The following ATAD2B variants were observed in gnomAD, a reference collection of about 807,000 sequenced individuals.
ATAD2B encodes the protein ATPase family AAA domain containing 2B.
Under a neutral mutation model 167.6 loss-of-function variants are expected in ATAD2B, and 40 were observed. The observed-to-expected ratio is 0.24, with a 90% CI of 0.19 to 0.31. The LOEUF (loss-of-function observed/expected upper bound fraction) is 0.31. ATAD2B is among the 10% of genes least tolerant of loss of function. The pLI, the probability that ATAD2B is intolerant of heterozygous loss-of-function variation, is 1.00. For missense variants in ATAD2B, 1,242 were observed against 1,757.2 expected (o/e 0.71, Z 5.24); for synonymous variants, 579 against 596.5 (o/e 0.97, Z 0.43).
chr2:23,898,803 G>C (rs1262445588), intron 1 of ATAD2B, among the ~76,000 whole-genome samples: 1 of 152,282 alleles, frequency 6.6e-6, no homozygotes, highest in South Asian at 2.1e-4. Context: ...AGGAGTGCCA[G>C]ACTAGCCTGG....
intron 15 of ATAD2B, among the ~76,000 whole-genome samples, chr2:23,827,102 C>A (rs901375365): frequency 1.3e-5 from 2 of 151,522 alleles, no homozygotes; most frequent in African/African-American, 4.9e-5. Context: ...TTAATGTGAA[C>A]CGGTTTCTCA....
Position 23,760,690 on chromosome 2 carries a change from T to TTATA in ATAD2B, c.3394+1515_3394+1518dup, listed in dbSNP as rs60333740. ...AGAAAAAAAAAAAAAATAAATAAAT[T>TTATA]TATATATATACACACACACACACAC... On this transcript the variant is annotated intron_variant, in intron 24 of 27. Coordinates refer to ENST00000238789, the MANE Select transcript of ATAD2B (RefSeq NM_017552.4). 9.1e-3 allele frequency among the ~76,000 whole-genome samples: 1,072 copies of TTATA among 117,822 alleles called. 10 individuals carry two copies. Among genetic ancestry groups the TTATA allele is most frequent in the Middle Eastern group, 0.017 (4 of 230 alleles). 77.3% of individuals were successfully genotyped at this position (117,822 alleles called of 152,430 possible). A position where few individuals can be genotyped will look rare whatever the true frequency, so the allele number is the denominator to read the frequency against.
intron 6 of ATAD2B, among the ~76,000 whole-genome samples, chr2:23,881,703 T>C (rs535949176): frequency 6.0e-4 from 91 of 151,696 alleles, no homozygotes; most frequent in African/African-American, 2.1e-3. Context: ...AAATAAATTA[T>C]AATGTACATA....
At chr2:23,767,733 G>T (rs193139172) in intron 22 of ATAD2B, among the ~76,000 whole-genome samples, 33 of 152,242 alleles carry the variant, frequency 2.2e-4, no homozygotes, top group African/African-American at 7.9e-4. Flanking sequence ...TAATGGTGGT[G>T]GTGGTGGTGA....
intron 8 of ATAD2B, among the ~76,000 whole-genome samples, chr2:23,875,005 A>C (rs1199781137): frequency 6.6e-6 from 1 of 151,242 alleles, no homozygotes; most frequent in Non-Finnish European, 1.5e-5. Context: ...GCAGCGACCC[A>C]AGATTGCCCC....
chr2:23,824,486 T>G (rs1558607403), intron 15 of ATAD2B, among the ~76,000 whole-genome samples: 1 of 152,340 alleles, frequency 6.6e-6, no homozygotes, highest in East Asian at 1.9e-4. Context: ...AACCAACTAT[T>G]AACATTCAGT....
chr2:23,855,374 C>A (rs1029602768), intron 13 of ATAD2B, among the ~76,000 whole-genome samples: 4 of 152,084 alleles, frequency 2.6e-5, no homozygotes, highest in Admixed American at 1.3e-4. Flanking sequence ...ATTTGTATTA[C>A]TATTAATGCA....
chr2:23,758,935 TCTAGGTATTAA>T (rs1676289599), intron 24 of ATAD2B, among the ~76,000 whole-genome samples: 1 of 152,196 alleles, frequency 6.6e-6, no homozygotes, highest in African/African-American at 2.4e-5. Context: ...AGCTAGGGCC[TCTAGGTATTAA>T]TGGACCCTGG....
chr2:23,686,058 G>C, the ATAD2B span, among the ~76,000 whole-genome samples: 1 of 152,330 alleles, frequency 6.6e-6, no homozygotes, highest in East Asian at 1.9e-4. Flanking sequence ...ACACGTGCTA[G>C]GAGGGAACCC....
Position 23,819,856 on chromosome 2 carries a change from T to C in ATAD2B, c.2158A>G (p.Ser720Gly). The C allele has an allele frequency of 1.3e-6, 2 of 1,585,400 alleles. No individual in the cohort carries two copies. Among genetic ancestry groups the C allele is most frequent in the Non-Finnish European group, 1.7e-6 (2 of 1,155,514 alleles). The stretch of plus-strand genomic sequence containing the variant: ...ATTGATAAAGCATTTTCATCTTCAC[T>C]ATCCTCTAAAATTAAAGTTTCTATA... ...EDIETLILED[S>G]EDENALSIFE... The change falls in exon 17 of 28, where the codon AGT becomes GGT. Residue 720 changes from serine (S) to glycine (G), a missense_variant. Ser to Gly is a moderately conservative substitution (Grantham distance 56, BLOSUM62 0). Around this residue, in one of 9 missense-constraint regions of ATAD2B, gnomAD observed 145 missense variants for 181.9 expected, o/e 0.80. Coordinates refer to ENST00000238789, the MANE Select transcript of ATAD2B (RefSeq NM_017552.4).
At chr2:23,690,885 C>T in the ATAD2B span, 4 of 152,374 alleles carry the variant, frequency 2.6e-5, no homozygotes, top group African/African-American at 4.8e-5. Context: ...CCTGCTCCCC[C>T]CAGTTCCCCA....
intron 18 of ATAD2B, among the ~76,000 whole-genome samples, chr2:23,799,016 G>T (rs562333229): frequency 6.6e-6 from 1 of 152,048 alleles, no homozygotes; most frequent in African/African-American, 2.4e-5. Flanking sequence ...TTTCAATCAC[G>T]CTCTGCCAAC....
chr2:23,785,646 A>G (rs1680706891), intron 21 of ATAD2B: 1 of 157,494 alleles, frequency 6.3e-6, no homozygotes, highest in African/African-American at 2.4e-5. Context: ...TGAGGTATAC[A>G]TAATTTGGGA....
At chr2:23,711,766 C>G in the ATAD2B span, among the ~76,000 whole-genome samples, 4 of 152,140 alleles carry the variant, frequency 2.6e-5, no homozygotes, top group Non-Finnish European at 5.9e-5. Flanking sequence ...GGTTCACTAT[C>G]AAGTAACAAA....
the ATAD2B span, among the ~76,000 whole-genome samples, chr2:23,737,576 A>C: frequency 2.6e-5 from 4 of 152,198 alleles, no homozygotes; most frequent in African/African-American, 9.7e-5. Flanking sequence ...CCAAAAGTAG[A>C]TAAAACCACA....
chr2:23,851,776 G>A (rs904868305), intron 13 of ATAD2B, among the ~76,000 whole-genome samples: 16 of 151,942 alleles, frequency 1.1e-4, no homozygotes, highest in Admixed American at 9.2e-4. Context: ...ATCCCCCTCA[G>A]TCTACTAATT....
At chr2:23,720,944 G>A in the ATAD2B span, among the ~76,000 whole-genome samples, 1 of 148,500 alleles carries the variant, frequency 6.7e-6, no homozygotes, top group Non-Finnish European at 1.5e-5. Flanking sequence ...CTGCAGGCCA[G>A]TAGCCACTGC....
chr2:23,710,363 G>A, the ATAD2B span, among the ~76,000 whole-genome samples: 1 of 152,172 alleles, frequency 6.6e-6, no homozygotes, highest in East Asian at 1.9e-4. Context: ...AAATAATTGT[G>A]AGGTAGTAAC....
chr2:23,798,110 G>A lies in ATAD2B; in HGVS notation c.2640+28C>T, dbSNP rs1039814384. On this transcript the variant is annotated intron_variant, in intron 19 of 27. Transcript: ENST00000238789. ...AACTATTTTAGAACAATATAATAAG[G>A]AAAGATAAATATTTAATCAGTTCTT... 3.0e-6 allele frequency: 4 copies of A among 1,328,478 alleles called. No homozygotes were observed. The South Asian group carries it at 6.8e-5, about 23-fold the overall frequency. 82.3% of individuals were successfully genotyped at this position (1,328,478 alleles called of 1,614,324 possible). A position where few individuals can be genotyped will look rare whatever the true frequency, so the allele number is the denominator to read the frequency against.
Sources: gnomAD v4.1 joint callset for allele counts (sites outside exome capture counted in the v4.1 genomes callset) on GRCh38, gnomAD v4.1.1 for gene constraint, gnomAD v4.1.1 regional missense constraint, MANE v1.5 for transcripts, NCBI Gene and HGNC (gene_info 2026-07-23, HGNC 2026-07-21) for gene names.